The following SCHIP1 variants were observed in gnomAD, a reference collection of about 807,000 sequenced individuals.
The protein encoded by SCHIP1 is schwannomin-interacting protein 1.
SCHIP1 carries 8 observed loss-of-function variants against 29.7 expected under a neutral mutation model. The ratio of observed to expected loss-of-function variants is 0.27; its 90% CI spans 0.16 to 0.49. SCHIP1 has a LOEUF of 0.49. SCHIP1 is among the 20% of genes least tolerant of loss of function. The pLI is 0.99. For missense variants in SCHIP1, 193 were observed against 294.6 expected, an observed-to-expected ratio of 0.66 and a Z score of 2.52; for synonymous variants, 76 against 94.9, an observed-to-expected ratio of 0.80 and a Z score of 1.16.
intron 1 of SCHIP1, 139 bp from the exon 3 acceptor site, chr3:159,866,024 T>G: frequency 1.4e-6 from 1 of 736,134 alleles, no homozygotes; most frequent in Non-Finnish European, 2.2e-6. Flanking sequence ...TTTTAATAAT[T>G]CAAATACTCT....
At chr3:159,864,598 G>T (rs57609362) in intron 1 of SCHIP1, among the ~76,000 whole-genome samples, 84 of 152,066 alleles carry the variant, frequency 5.5e-4, no homozygotes, top group African/African-American at 2.0e-3. Flanking sequence ...TAATCACTAA[G>T]TGTGTACAGT....
At chr3:159,885,983 A>G (rs563199166) in intron 2 of SCHIP1, among the ~76,000 whole-genome samples, 3 of 152,342 alleles carry the variant, frequency 2.0e-5, no homozygotes, top group Admixed American at 2.0e-4. Flanking sequence ...GGGGCCTTAA[A>G]TTATTTTTCA....
At chr3:159,706,108 A>T in the SCHIP1 span, among the ~76,000 whole-genome samples, 1 of 152,198 alleles carries the variant, frequency 6.6e-6, no homozygotes, top group South Asian at 2.1e-4. Context: ...AGAGCACTAC[A>T]CATAGCATGG....
the SCHIP1 span, among the ~76,000 whole-genome samples, chr3:159,491,760 T>C: frequency 6.6e-6 from 1 of 152,212 alleles, no homozygotes; most frequent in African/African-American, 2.4e-5. Context: ...GTAGTGGTTC[T>C]CCCAGCATGC....
the SCHIP1 span, among the ~76,000 whole-genome samples, chr3:159,391,128 GTTTGT>G: frequency 8.5e-4 from 129 of 152,268 alleles, no homozygotes; most frequent in Admixed American, 7.3e-3. Context: ...AGTTTAAGGA[GTTTGT>G]TTTAACAGTT....
chr3:159,723,603 A>C, the SCHIP1 span, among the ~76,000 whole-genome samples: 11 of 152,328 alleles, frequency 7.2e-5, no homozygotes, highest in African/African-American at 2.6e-4. Context: ...CATTTTAGAT[A>C]GGCTATGTTT....
chr3:159,382,553 G>A, the SCHIP1 span, among the ~76,000 whole-genome samples: 1 of 152,262 alleles, frequency 6.6e-6, no homozygotes, highest in South Asian at 2.1e-4. Context: ...TGTGAATAGA[G>A]CCGCAATAAA....
At chr3:159,634,007 C>T in the SCHIP1 span, among the ~76,000 whole-genome samples, 14 of 152,022 alleles carry the variant, frequency 9.2e-5, no homozygotes, top group African/African-American at 2.4e-4. Flanking sequence ...TAATATTTAG[C>T]GACAAAAACA....
At chr3:159,795,649 A>G in the SCHIP1 span, among the ~76,000 whole-genome samples, 4 of 152,342 alleles carry the variant, frequency 2.6e-5, no homozygotes, top group Admixed American at 2.0e-4. Context: ...TGGTGGTCCA[A>G]AGAAAGTGTT....
the SCHIP1 span, among the ~76,000 whole-genome samples, chr3:159,808,055 C>A: frequency 1.3e-5 from 2 of 152,296 alleles, no homozygotes; most frequent in Non-Finnish European, 2.9e-5. Flanking sequence ...ATACAAACAA[C>A]AAGGAACATT....
the SCHIP1 span, among the ~76,000 whole-genome samples, chr3:159,391,231 T>C: frequency 6.6e-6 from 1 of 152,210 alleles, no homozygotes; most frequent in Non-Finnish European, 1.5e-5. Context: ...CTAGAGTTTT[T>C]TTACTGCTTT....
chr3:159,710,059 A>G, the SCHIP1 span, among the ~76,000 whole-genome samples: 1 of 152,216 alleles, frequency 6.6e-6, no homozygotes, highest in African/African-American at 2.4e-5. Flanking sequence ...AAATAGTATT[A>G]CCATATGATC....
the SCHIP1 span, among the ~76,000 whole-genome samples, chr3:159,277,455 A>C: frequency 6.6e-6 from 1 of 152,142 alleles, no homozygotes; most frequent in Admixed American, 6.6e-5. Flanking sequence ...ATGGCTTGGA[A>C]GAATTTTTTC....
chr3:159,506,946 C>G, the SCHIP1 span, among the ~76,000 whole-genome samples: 4,941 of 152,208 alleles, frequency 0.032, 271 homozygotes, highest in African/African-American at 0.12. Context: ...CCTGGCAATG[C>G]GGGCTCTTCT....
the SCHIP1 span, among the ~76,000 whole-genome samples, chr3:159,461,669 T>G: frequency 6.6e-6 from 1 of 151,308 alleles, no homozygotes; most frequent in African/African-American, 2.4e-5. Flanking sequence ...TCCGCCTCCC[T>G]GGTTCAAGCA....
At chr3:159,362,760 T>A in the SCHIP1 span, among the ~76,000 whole-genome samples, 1 of 152,164 alleles carries the variant, frequency 6.6e-6, no homozygotes, top group Non-Finnish European at 1.5e-5. Context: ...GCAGGAGGGA[T>A]CATGACCTTT....
At chr3:159,604,498 G>A in the SCHIP1 span, among the ~76,000 whole-genome samples, 1 of 152,144 alleles carries the variant, frequency 6.6e-6, no homozygotes, top group African/African-American at 2.4e-5. Flanking sequence ...TGGCTTCTCT[G>A]TGCCAGGCAC....
chr3:159,280,470 G>A, the SCHIP1 span, among the ~76,000 whole-genome samples: 2 of 152,102 alleles, frequency 1.3e-5, no homozygotes, highest in Admixed American at 6.6e-5. Flanking sequence ...CAGGGCCATC[G>A]CTCAGACATT....
chr3:159,639,111 G>C, the SCHIP1 span, among the ~76,000 whole-genome samples: 7 of 152,026 alleles, frequency 4.6e-5, no homozygotes, highest in Admixed American at 4.6e-4. Context: ...TTATTTTTGT[G>C]AGAGGCAGTC....
Sources: allele counts gnomAD v4.1 joint callset (sites outside exome capture counted in the v4.1 genomes callset), GRCh38; gene constraint gnomAD v4.1.1; transcripts MANE v1.5; gene names NCBI Gene and HGNC (gene_info 2026-07-23, HGNC 2026-07-21).